SCFD1: variants seen among roughly 807,000 people sequenced by gnomAD.
The protein encoded by SCFD1 is sec1 family domain-containing protein 1.
A neutral mutation model predicts 103.2 loss-of-function variants in SCFD1; 37 were observed. That is an observed-to-expected ratio of 0.36 (90% CI 0.28 to 0.47). The LOEUF (loss-of-function observed/expected upper bound fraction) is 0.47, where lower values mean the gene tolerates loss of function less well. Ranked by LOEUF, SCFD1 falls within the 20% of genes least tolerant of loss-of-function variation. The pLI, the probability that SCFD1 is intolerant of heterozygous loss-of-function variation, is 1.00. For synonymous variants in SCFD1, 264 were observed against 245.0 expected, an observed-to-expected ratio of 1.08 and a Z score of -0.73; for missense variants, 639 against 761.2, an observed-to-expected ratio of 0.84 and a Z score of 1.89.
intron 14 of SCFD1, among the ~76,000 whole-genome samples, chr14:30,677,827 CTTTTTTTTTTTTTTT>C (rs58942207): frequency 1.5e-4 from 10 of 67,518 alleles, no homozygotes; most frequent in African/African-American, 5.9e-4. Flanking sequence ...ACCTAAGCAC[CTTTTTTTTTTTTTTT>C]TTTTTTTTTT....
chr14:30,657,179 C>T (rs1886988325), intron 10 of SCFD1, among the ~76,000 whole-genome samples: 1 of 151,780 alleles, frequency 6.6e-6, no homozygotes, highest in South Asian at 2.1e-4. Flanking sequence ...CTTTAAGAGT[C>T]CCTGGGCTCC....
At chr14:30,628,388 A>G in intron 2 of SCFD1, 109 bp downstream of exon 2, 2 of 668,414 alleles carry the variant, frequency 3.0e-6, no homozygotes, top group Non-Finnish European at 5.2e-6. Flanking sequence ...ATTAGTTATC[A>G]TGAATGTTTT....
At chr14:30,690,799 C>A (rs1890236765) in intron 14 of SCFD1, among the ~76,000 whole-genome samples, 2 of 152,186 alleles carry the variant, frequency 1.3e-5, no homozygotes, top group Non-Finnish European at 2.9e-5. Flanking sequence ...GAGCTGTAGA[C>A]CGGAGCTGTT....
intron 14 of SCFD1, chr14:30,676,121 A>T (rs1013011499): frequency 1.3e-5 from 2 of 152,194 alleles, no homozygotes; most frequent in Non-Finnish European, 2.9e-5. Context: ...TGTGGAGGTG[A>T]TACAGATACA....
At chr14:30,643,954 C>A (rs1400350633) in intron 7 of SCFD1, 1 of 456,444 alleles carries the variant, frequency 2.2e-6, no homozygotes, top group East Asian at 7.0e-5. Context: ...CAAATGAATT[C>A]GTCACCCAGG....
intron 15 of SCFD1, among the ~76,000 whole-genome samples, chr14:30,696,391 G>A (rs1890701979): frequency 6.6e-6 from 1 of 152,136 alleles, no homozygotes; most frequent in Admixed American, 6.6e-5. Context: ...TTCGAGTAAA[G>A]TTGAAACAAA....
At chr14:30,699,514 C>T (rs1466273498) in intron 15 of SCFD1, among the ~76,000 whole-genome samples, 2 of 152,146 alleles carry the variant, frequency 1.3e-5, no homozygotes, top group Non-Finnish European at 2.9e-5. Context: ...AGAGTAGTAA[C>T]TCAGAGCACT....
rs548410743 is a variant in SCFD1 at position 30,684,416 on chromosome 14, C to CA, written c.1242+9352dup. ...CTTTCCAAACCCTGTGGGCTATAGC[C>CA]AGTCAAATGTCTTACACAATCTGTA... On this transcript the variant is annotated intron_variant, in intron 14 of 24. Coordinates refer to ENST00000458591, the MANE Select transcript of SCFD1 (RefSeq NM_016106.4). 1.3e-4 allele frequency among the ~76,000 whole-genome samples: 20 copies of CA among 152,298 alleles called. 1 individual carries two copies. In the South Asian group the frequency reaches 4.1e-3, roughly 32 times the overall value.
chr14:30,721,763 G>C, intron 21 of SCFD1, 121 bp from the exon 22 acceptor site: 1 of 814,634 alleles, frequency 1.2e-6, no homozygotes, highest in Non-Finnish European at 2.0e-6. Flanking sequence ...CTCTAAGAAG[G>C]TGAAGGAGGT....
At chr14:30,654,261 T>C (rs1252433957) in intron 10 of SCFD1, among the ~76,000 whole-genome samples, 1 of 152,354 alleles carries the variant, frequency 6.6e-6, no homozygotes, top group East Asian at 1.9e-4. Flanking sequence ...GAATTTGAAC[T>C]CAAATCATGG....
chr14:30,628,411 C>T, intron 2 of SCFD1, 132 bp downstream of exon 2: 1 of 593,824 alleles, frequency 1.7e-6, no homozygotes, highest in East Asian at 2.9e-5. Flanking sequence ...CCTTATTTAA[C>T]ATGATCTCTT....
At chr14:30,653,706 A>G (rs980374172) in intron 10 of SCFD1, 118 bp downstream of exon 10, 31 of 639,176 alleles carry the variant, frequency 4.8e-5, no homozygotes, top group Admixed American at 2.4e-4. Flanking sequence ...ACTGAGACCT[A>G]TGAACAAAAC....
chr14:30,706,413 ACTTTT>A (rs772255200), intron 18 of SCFD1, among the ~76,000 whole-genome samples: 7 of 151,976 alleles, frequency 4.6e-5, no homozygotes, highest in Non-Finnish European at 8.8e-5. Flanking sequence ...TCTTTGGGGT[ACTTTT>A]CTTTATTTTC....
At chr14:30,622,683 CAGCTGAT>C (rs1444939042) in intron 1 of SCFD1, among the ~76,000 whole-genome samples, 4 of 152,204 alleles carry the variant, frequency 2.6e-5, no homozygotes, top group Admixed American at 1.3e-4. Context: ...CAAGATCTAG[CAGCTGAT>C]AGCTTCTTAT....
chr14:30,718,363 G>A (rs1002402658), intron 20 of SCFD1, among the ~76,000 whole-genome samples: 1 of 152,214 alleles, frequency 6.6e-6, no homozygotes, highest in Non-Finnish European at 1.5e-5. Flanking sequence ...TTTCCAAGCT[G>A]TGAAAGTTCA....
intron 19 of SCFD1, among the ~76,000 whole-genome samples, chr14:30,713,092 C>CTAAA (rs1394880705): frequency 6.6e-6 from 1 of 151,834 alleles, no homozygotes; most frequent in Non-Finnish European, 1.5e-5. Context: ...GTAAATTATT[C>CTAAA]TAAATATATA....
intron 19 of SCFD1, among the ~76,000 whole-genome samples, chr14:30,713,047 T>G (rs1892003587): frequency 6.6e-6 from 1 of 152,160 alleles, no homozygotes; most frequent in Admixed American, 6.5e-5. Context: ...TAAAATCCGG[T>G]TTTTTTAACC....
chr14:30,669,201 A>G (rs1888304832), intron 10 of SCFD1, among the ~76,000 whole-genome samples: 1 of 152,118 alleles, frequency 6.6e-6, no homozygotes, highest in African/African-American at 2.4e-5. Context: ...TGTTTTATCT[A>G]AAGGAGACTG....
intron 14 of SCFD1, among the ~76,000 whole-genome samples, chr14:30,680,787 A>G (rs1889405857): frequency 6.6e-6 from 1 of 152,168 alleles, no homozygotes; most frequent in South Asian, 2.1e-4. Context: ...AACAAAAAAT[A>G]GAGAGTAGAA....
Sources: gnomAD v4.1 joint callset for allele counts (sites outside exome capture counted in the v4.1 genomes callset) on GRCh38, gnomAD v4.1.1 for gene constraint, MANE v1.5 for transcripts, NCBI Gene and HGNC (gene_info 2026-07-23, HGNC 2026-07-21) for gene names.